Variants in L3MBTL4 observed in about 807,000 individuals in gnomAD.
The protein encoded by L3MBTL4 is lethal(3)malignant brain tumor-like protein 4.
In L3MBTL4, 70 loss-of-function variants were observed where a neutral mutation model predicts 84.5. The ratio of observed to expected loss-of-function variants is 0.83; its 90% CI spans 0.68 to 1.01. The LOEUF (loss-of-function observed/expected upper bound fraction) is 1.01. Among genes scored for constraint, L3MBTL4 ranks in the 50% least tolerant of loss-of-function variants. The pLI, the probability that L3MBTL4 is intolerant of heterozygous loss-of-function variation, is 0.00. For missense variants in L3MBTL4, 715 were observed against 754.8 expected, an observed-to-expected ratio of 0.95 and a Z score of 0.62; for synonymous variants, 274 against 259.8, an observed-to-expected ratio of 1.05 and a Z score of -0.52.
chr18:6,054,093 C>T (rs539103716), intron 16 of L3MBTL4, among the ~76,000 whole-genome samples: 1 of 152,208 alleles, frequency 6.6e-6, no homozygotes, highest in East Asian at 1.9e-4. Flanking sequence ...TGTGTTTGTC[C>T]ATTCTTAGTG....
At chr18:6,058,612 G>T (rs893556333) in intron 16 of L3MBTL4, among the ~76,000 whole-genome samples, 1 of 152,052 alleles carries the variant, frequency 6.6e-6, no homozygotes, top group East Asian at 1.9e-4. Flanking sequence ...AAGGTTCTTT[G>T]CTCTGGCCTG....
intron 10 of L3MBTL4, among the ~76,000 whole-genome samples, chr18:6,217,675 C>T (rs186839469): frequency 1.2e-4 from 19 of 152,240 alleles, no homozygotes; most frequent in Admixed American, 1.2e-3. Flanking sequence ...GAGTACTTTG[C>T]TTCATATTTT....
chr18:6,243,296 T>G lies in L3MBTL4; in HGVS notation c.458A>C (p.Lys153Thr). The G allele has an allele frequency of 6.3e-7, 1 of 1,579,702 alleles. No individual in the cohort carries two copies. The highest frequency in any genetic ancestry group is 8.6e-7 in the Non-Finnish European group (1 of 1,164,772). The change falls in exon 7 of 19, where the codon AAG (lysine) becomes ACG (threonine). Residue 153 changes from lysine to threonine, a missense_variant and splice_region_variant. Coordinates refer to ENST00000317931, the MANE Select transcript of L3MBTL4 (RefSeq NM_001330559.2). ...TTGGTAAATGTATCCTGGCTTACCCTTAGGGATGTGCAGTTCATGTTTGGT... is the reference window on the plus strand; with the variant it reads ...TTGGTAAATGTATCCTGGCTTACCCGTAGGGATGTGCAGTTCATGTTTGGT... ...EKTKHELHIPKGYRKDKFVWM... is the reference protein window; with the variant it reads ...EKTKHELHIPTGYRKDKFVWM...
chr18:6,298,602 G>T (rs2050201973), intron 4 of L3MBTL4, among the ~76,000 whole-genome samples: 1 of 152,200 alleles, frequency 6.6e-6, no homozygotes, highest in Admixed American at 6.5e-5. Context: ...GCCAGGCGCA[G>T]TGGCTCATGC....
chr18:6,301,340 A>G lies in L3MBTL4; in HGVS notation c.127+563T>C, dbSNP rs2050329278. On this transcript the variant is annotated intron_variant, in intron 4 of 18. Transcript: ENST00000317931. ...GTAACAGCTGTCTCCTTGTGTAGCAATAATCATAAAATATGTGGAATGTAT... is the reference window on the plus strand; with the variant it reads ...GTAACAGCTGTCTCCTTGTGTAGCAGTAATCATAAAATATGTGGAATGTAT... Among the ~76,000 whole-genome samples the G allele has an allele frequency of 3.3e-5, 5 of 152,220 alleles. No individual in the cohort carries two copies. In the South Asian group the frequency reaches 1.0e-3, roughly 31 times the overall value.
At chr18:6,155,671 G>T (rs2043072805) in intron 13 of L3MBTL4, among the ~76,000 whole-genome samples, 1 of 152,134 alleles carries the variant, frequency 6.6e-6, no homozygotes, top group South Asian at 2.1e-4. Context: ...TAAACGAAAA[G>T]TAACATAAAA....
chr18:6,000,944 T>A (rs542613249), intron 16 of L3MBTL4, among the ~76,000 whole-genome samples: 66 of 152,314 alleles, frequency 4.3e-4, no homozygotes, highest in African/African-American at 1.6e-3. Flanking sequence ...CTATTTTGGA[T>A]CTCTGGAGTC....
At chr18:5,986,898 T>C (rs2053486612) in intron 16 of L3MBTL4, among the ~76,000 whole-genome samples, 2 of 152,218 alleles carry the variant, frequency 1.3e-5, no homozygotes, top group South Asian at 4.1e-4. Context: ...GGAAATTAAA[T>C]CCCTTGTATG....
rs1452375585 is a variant in L3MBTL4, at chr18:6,255,723, G to A, written c.219+8224C>T. ...TGCTTTTTTTCCCCCTGGGAGTACT[G>A]TTAAATACCAGTGAAGTTACCTTAA... is the stretch of plus-strand genomic sequence containing the variant. On this transcript the variant is annotated intron_variant, in intron 5 of 18. Transcript: ENST00000317931. Among the ~76,000 whole-genome samples the A allele has an allele frequency of 2.0e-5, 3 of 147,892 alleles. No individual in the cohort carries two copies. In the East Asian group the frequency reaches 6.1e-4, roughly 30 times the overall value.
rs979283269 is a variant in L3MBTL4 at position 6,295,732 on chromosome 18, T to C, written c.127+6171A>G. ...TTAGAAAGAAGTCCCCTGTTAATCC[T>C]CCACTGAGTGTCATGGCTCAGTGGA... On this transcript the variant is annotated intron_variant, in intron 4 of 18. Transcript: ENST00000317931. Among the ~76,000 whole-genome samples the C allele has an allele frequency of 7.2e-5, 11 of 152,204 alleles. No individual in the cohort carries two copies. In the East Asian group the frequency reaches 1.2e-3, roughly 16 times the overall value.
intron 16 of L3MBTL4, among the ~76,000 whole-genome samples, chr18:6,012,000 T>G (rs1277784265): frequency 6.6e-6 from 1 of 152,236 alleles, no homozygotes; most frequent in Non-Finnish European, 1.5e-5. Flanking sequence ...CTTTTGTTCT[T>G]TGGCTTGAAG....
At chr18:6,284,395 C>G (rs1276482223) in intron 4 of L3MBTL4, among the ~76,000 whole-genome samples, 1 of 152,190 alleles carries the variant, frequency 6.6e-6, no homozygotes, top group Non-Finnish European at 1.5e-5. Flanking sequence ...AGACTCAAAA[C>G]ACGACCATCA....
intron 16 of L3MBTL4, among the ~76,000 whole-genome samples, chr18:5,994,144 T>C (rs554727151): frequency 3.5e-3 from 528 of 152,272 alleles, no homozygotes; most frequent in Non-Finnish European, 6.2e-3. Flanking sequence ...AGGTACTTCC[T>C]CTGAAGCCCT....
At chr18:6,046,652 T>A (rs1268297006) in intron 16 of L3MBTL4, 11 of 714,158 alleles carry the variant, frequency 1.5e-5, no homozygotes, top group Non-Finnish European at 2.6e-5. Context: ...CCTGAATGAC[T>A]TTTAGGTAAA....
chr18:6,196,533 G>T (rs2045405500), intron 12 of L3MBTL4, among the ~76,000 whole-genome samples: 1 of 151,944 alleles, frequency 6.6e-6, no homozygotes, highest in Admixed American at 6.6e-5. Context: ...TAAAATTTGG[G>T]GCTTTGGTTC....
chr18:6,299,835 A>AT (rs1001003682), intron 4 of L3MBTL4, among the ~76,000 whole-genome samples: 3 of 151,530 alleles, frequency 2.0e-5, no homozygotes, highest in Admixed American at 6.6e-5. Context: ...AGACCCGGCT[A>AT]TTTTTTTTGT....
chr18:6,389,515 A>T (rs2054958573), intron 1 of L3MBTL4, among the ~76,000 whole-genome samples: 1 of 149,780 alleles, frequency 6.7e-6, no homozygotes, highest in East Asian at 2.0e-4. Flanking sequence ...CAGAATGCTT[A>T]AAAAAAAATC....
At chr18:6,044,662 C>T (rs1438060116) in intron 16 of L3MBTL4, among the ~76,000 whole-genome samples, 1 of 151,650 alleles carries the variant, frequency 6.6e-6, no homozygotes, top group East Asian at 1.9e-4. Flanking sequence ...AGGGAGGGAA[C>T]AAGGAAGAAA....
At chr18:6,380,981 C>T (rs2054572952) in intron 1 of L3MBTL4, among the ~76,000 whole-genome samples, 1 of 152,106 alleles carries the variant, frequency 6.6e-6, no homozygotes, top group Non-Finnish European at 1.5e-5. Flanking sequence ...TAAGAACTTG[C>T]TTTATGCATC....
Sources: gnomAD v4.1 joint callset for allele counts (sites outside exome capture counted in the v4.1 genomes callset) on GRCh38, gnomAD v4.1.1 for gene constraint, MANE v1.5 for transcripts, NCBI Gene and HGNC (gene_info 2026-07-23, HGNC 2026-07-21) for gene names.